Variants in DLGAP2 observed in about 807,000 individuals in gnomAD.
DLGAP2 encodes the protein disks large-associated protein 2.
A neutral mutation model predicts 100.3 loss-of-function variants in DLGAP2; 26 were observed. That is an observed-to-expected ratio of 0.26 (90% CI 0.19 to 0.36). The LOEUF is 0.36. DLGAP2 is among the 10% of genes least tolerant of loss of function. DLGAP2 has a pLI of 1.00. For synonymous variants in DLGAP2, 886 were observed against 630.1 expected (o/e 1.41, Z -6.08); for missense variants, 1,858 against 1,453.2 (o/e 1.28, Z -4.53).
intron 3 of DLGAP2, among the ~76,000 whole-genome samples, chr8:1,452,247 G>A (rs963547410): frequency 1.3e-5 from 2 of 152,250 alleles, no homozygotes; most frequent in East Asian, 3.9e-4. Flanking sequence ...TGCGTGTTCT[G>A]TGGCCATGTG....
At chr8:1,148,091 TCTG>T (rs1490511623) in intron 2 of DLGAP2, among the ~76,000 whole-genome samples, 1 of 152,128 alleles carries the variant, frequency 6.6e-6, no homozygotes, top group Non-Finnish European at 1.5e-5. Context: ...GCCATCTACT[TCTG>T]GTGGTTCTCT....
chr8:835,473 C>T (rs1446552298), intron 1 of DLGAP2, among the ~76,000 whole-genome samples: 1 of 151,820 alleles, frequency 6.6e-6, no homozygotes, highest in East Asian at 2.0e-4. Context: ...GAATGCTCCC[C>T]ACCCCACCCC....
intron 12 of DLGAP2, among the ~76,000 whole-genome samples, chr8:1,679,487 G>A (rs181160612): frequency 1.9e-4 from 29 of 151,308 alleles, no homozygotes; most frequent in African/African-American, 5.8e-4. Context: ...TGAGAAGGCC[G>A]TGTCATTCCT....
At chr8:1,387,845 G>A (rs1036129054) in intron 3 of DLGAP2, among the ~76,000 whole-genome samples, 13 of 152,228 alleles carry the variant, frequency 8.5e-5, no homozygotes, top group African/African-American at 3.1e-4. Context: ...GGCCAGTGAT[G>A]TCAGTCTAAG....
chr8:1,684,736 T>G (rs1158823421), intron 12 of DLGAP2, among the ~76,000 whole-genome samples: 1 of 151,876 alleles, frequency 6.6e-6, no homozygotes, highest in Non-Finnish European at 1.5e-5. Flanking sequence ...GATTTTTGTA[T>G]TATGTCAAAC....
At chr8:1,631,384 C>G (rs557931105) in intron 7 of DLGAP2, among the ~76,000 whole-genome samples, 1 of 152,250 alleles carries the variant, frequency 6.6e-6, no homozygotes, top group East Asian at 1.9e-4. Flanking sequence ...GTCTACGATA[C>G]ATCTTTGACA....
At chr8:1,673,714 T>C (rs760224539) in intron 10 of DLGAP2, among the ~76,000 whole-genome samples, 7 of 152,224 alleles carry the variant, frequency 4.6e-5, no homozygotes, top group Non-Finnish European at 1.0e-4. Context: ...TGTCCCCTCT[T>C]TGAAACAAGG....
chr8:743,521 A>G (rs769009147), intron 1 of DLGAP2, among the ~76,000 whole-genome samples: 2 of 152,202 alleles, frequency 1.3e-5, no homozygotes. Flanking sequence ...AGCAAAACTC[A>G]CATGCACAGC....
intron 3 of DLGAP2, among the ~76,000 whole-genome samples, chr8:1,436,528 C>T (rs188872738): frequency 6.6e-6 from 1 of 152,282 alleles, no homozygotes; most frequent in East Asian, 1.9e-4. Context: ...CACAGACAAC[C>T]CAGGACAATA....
At chr8:1,487,545 T>C (rs1212951927) in intron 3 of DLGAP2, among the ~76,000 whole-genome samples, 1 of 152,228 alleles carries the variant, frequency 6.6e-6, no homozygotes, top group Non-Finnish European at 1.5e-5. Context: ...ACAGTGCTAC[T>C]GAAGTGAAGG....
chr8:1,646,874 A>G (rs962537958), intron 8 of DLGAP2, among the ~76,000 whole-genome samples: 2 of 152,336 alleles, frequency 1.3e-5, no homozygotes, highest in Non-Finnish European at 2.9e-5. Context: ...CCAGCGTCGA[A>G]AACTTTTGTC....
chr8:1,274,090 C>A (rs898245635), intron 3 of DLGAP2, among the ~76,000 whole-genome samples: 2 of 151,842 alleles, frequency 1.3e-5, no homozygotes, highest in Non-Finnish European at 2.9e-5. Context: ...TTCAGCATAT[C>A]GGAATTTGCA....
intron 1 of DLGAP2, among the ~76,000 whole-genome samples, chr8:754,425 C>T (rs1342976768): frequency 6.6e-6 from 1 of 152,212 alleles, no homozygotes. Context: ...TACCTGCCTT[C>T]CTCTGTGCCC....
chr8:1,187,495 C>T (rs1032322243), intron 2 of DLGAP2, among the ~76,000 whole-genome samples: 15 of 139,658 alleles, frequency 1.1e-4, no homozygotes, highest in Non-Finnish European at 1.7e-4. Context: ...ATCTCACACA[C>T]CCGGGACCTC....
At chr8:1,072,326 A>T (rs1803459482) in intron 2 of DLGAP2, among the ~76,000 whole-genome samples, 1 of 152,122 alleles carries the variant, frequency 6.6e-6, no homozygotes, top group Admixed American at 6.6e-5. Flanking sequence ...AAAGCTTCCT[A>T]TTCATTAATT....
At chr8:971,067 G>A (rs1800002467) in intron 2 of DLGAP2, among the ~76,000 whole-genome samples, 1 of 152,064 alleles carries the variant, frequency 6.6e-6, no homozygotes, top group African/African-American at 2.4e-5. Flanking sequence ...TGAAAACCTG[G>A]GAGTATGAAT....
rs796171341 is a variant in DLGAP2 at position 1,005,405 on chromosome 8, G to T, written c.73+97439G>T. On this transcript the variant is annotated intron_variant, in intron 2 of 14. Coordinates refer to ENST00000637795, the MANE Select transcript of DLGAP2 (RefSeq NM_001346810.2). Reference sequence around the variant, plus strand: ...TCCTGTATTCAAAACAACTCCACTTGTTTTTTTTTTTTTTTTTTTTTGAGA... The same window carrying T: ...TCCTGTATTCAAAACAACTCCACTTTTTTTTTTTTTTTTTTTTTTTTGAGA... 3.6e-3 allele frequency among the ~76,000 whole-genome samples: 361 copies of T among 99,170 alleles called. 4 individuals carry two copies. Among genetic ancestry groups the T allele is most frequent in the African/African-American group, 0.013 (338 of 26,808 alleles). The allele number at this position is 99,170 out of a possible 152,430, so 65.1% of individuals were successfully genotyped here. A position where few individuals can be genotyped will look rare whatever the true frequency, so the allele number is the denominator to read the frequency against.
At chr8:870,008 C>CA (rs576493428) in intron 1 of DLGAP2, among the ~76,000 whole-genome samples, 387 of 120,842 alleles carry the variant, frequency 3.2e-3, no homozygotes, top group Middle Eastern at 9.1e-3. Context: ...GCCTAATTTA[C>CA]AAAAAAAAAA....
At chr8:892,840 C>A (rs1290308628) in intron 1 of DLGAP2, among the ~76,000 whole-genome samples, 1 of 152,144 alleles carries the variant, frequency 6.6e-6, no homozygotes, top group African/African-American at 2.4e-5. Context: ...GCTTCTTAGT[C>A]CTACAGAAAT....
Sources: allele counts gnomAD v4.1 joint callset (sites outside exome capture counted in the v4.1 genomes callset), GRCh38; gene constraint gnomAD v4.1.1; transcripts MANE v1.5; gene names NCBI Gene and HGNC (gene_info 2026-07-23, HGNC 2026-07-21).